Variants in MTAP observed in about 807,000 individuals in gnomAD.
MTAP encodes methylthioadenosine phosphorylase, also known as S-methyl-5'-thioadenosine phosphorylase.
MTAP carries 33 observed loss-of-function variants against 33.6 expected under a neutral mutation model. The ratio of observed to expected loss-of-function variants is 0.98; its 90% CI spans 0.74 to 1.31. The LOEUF is 1.31. Ranked by LOEUF, MTAP falls within the 40% of genes most tolerant of loss-of-function variation. The pLI, the probability that MTAP is intolerant of heterozygous loss-of-function variation, is 0.00. For synonymous variants in MTAP, 148 were observed against 125.7 expected, an observed-to-expected ratio of 1.18 and a Z score of -1.19; for missense variants, 367 against 360.0, an observed-to-expected ratio of 1.02 and a Z score of -0.16.
intron 1 of MTAP, among the ~76,000 whole-genome samples, chr9:21,815,223 G>A (rs907638803): frequency 3.3e-5 from 5 of 152,172 alleles, no homozygotes; most frequent in Non-Finnish European, 7.3e-5. Context: ...GTTACTTATA[G>A]AATATAGAAG....
chr9:21,831,856 C>T (rs920287104), intron 4 of MTAP, among the ~76,000 whole-genome samples: 1 of 151,864 alleles, frequency 6.6e-6, no homozygotes, highest in Non-Finnish European at 1.5e-5. Context: ...GTGTGATTCC[C>T]GGTGCTAAAC....
At chr9:21,860,095 G>C (rs1228376455) in intron 7 of MTAP, 1 of 152,078 alleles carries the variant, frequency 6.6e-6, no homozygotes, top group African/African-American at 2.4e-5. Context: ...TGTACTTTTG[G>C]GTCTTCTGGT....
downstream of MTAP, among the ~76,000 whole-genome samples, chr9:21,867,331 T>G (rs993350207): frequency 3.9e-5 from 6 of 152,188 alleles, no homozygotes; most frequent in African/African-American, 1.4e-4. Flanking sequence ...CGTTTCATGT[T>G]TTTATCAGAT....
chr9:21,935,660 C>T (rs1041830285), downstream of MTAP: 2 of 152,020 alleles, frequency 1.3e-5, no homozygotes, highest in African/African-American at 4.8e-5. Flanking sequence ...CTTTCTCTTC[C>T]TTTTGGTTGA....
chr9:21,836,892 C>T (rs935204186), intron 4 of MTAP, among the ~76,000 whole-genome samples: 7 of 152,122 alleles, frequency 4.6e-5, no homozygotes, highest in African/African-American at 9.7e-5. Context: ...GCTGTGTAAA[C>T]GGAACCAGTG....
At chr9:21,908,636 A>G (rs538567819) in intron 1 of MTAP, among the ~76,000 whole-genome samples, 2 of 152,170 alleles carry the variant, frequency 1.3e-5, no homozygotes, top group South Asian at 2.1e-4. Flanking sequence ...GAATAGTGTT[A>G]TGACTTAACA....
At chr9:21,855,518 G>C (rs1007791010) in intron 6 of MTAP, among the ~76,000 whole-genome samples, 2 of 152,148 alleles carry the variant, frequency 1.3e-5, no homozygotes, top group Non-Finnish European at 2.9e-5. Flanking sequence ...GGGCATGATT[G>C]AGTAGAGTGG....
intron 1 of MTAP, among the ~76,000 whole-genome samples, chr9:21,878,232 T>A (rs1826038693): frequency 6.6e-6 from 1 of 152,088 alleles, no homozygotes; most frequent in African/African-American, 2.4e-5. Flanking sequence ...TGTGTTTATT[T>A]GGATATTCTC....
intron 6 of MTAP, among the ~76,000 whole-genome samples, chr9:21,855,742 A>G (rs971372903): frequency 2.6e-5 from 4 of 152,216 alleles, no homozygotes; most frequent in African/African-American, 7.2e-5. Context: ...GTGTAAGTAC[A>G]GGGTGGAATA....
chr9:21,896,219 A>C (rs199540889), intron 1 of MTAP, among the ~76,000 whole-genome samples: 1 of 152,162 alleles, frequency 6.6e-6, no homozygotes, highest in Admixed American at 6.5e-5. Context: ...CCAATGAGAA[A>C]AAAGACACAA....
chr9:21,864,024 C>G lies in MTAP; in HGVS notation c.*2010C>G. On this transcript the variant is annotated 3_prime_UTR_variant, in exon 8 of 8. Transcript: ENST00000644715. Reference sequence around the variant, plus strand: ...AGCTCTGGTAACGTGTGATTGTTTTCACTACAATATGATACATAGATGGTA... The same window carrying G: ...AGCTCTGGTAACGTGTGATTGTTTTGACTACAATATGATACATAGATGGTA... 6 of 985,602 alleles carry G rather than the reference C, an allele frequency of 6.1e-6. No homozygotes were observed. Among genetic ancestry groups the G allele is most frequent in the Non-Finnish European group, 4.8e-6 (4 of 829,922 alleles). 61.1% of individuals were successfully genotyped at this position (985,602 alleles called of 1,614,324 possible).
At chr9:21,844,387 G>A (rs1459682073) in intron 5 of MTAP, among the ~76,000 whole-genome samples, 2 of 152,116 alleles carry the variant, frequency 1.3e-5, no homozygotes, top group African/African-American at 2.4e-5. Context: ...TGTGAAGCCA[G>A]TATCCCCCTA....
chr9:21,828,977 T>A (rs142438120), intron 4 of MTAP, among the ~76,000 whole-genome samples: 8 of 152,228 alleles, frequency 5.3e-5, no homozygotes, highest in Admixed American at 5.2e-4. Flanking sequence ...TTTGAACATC[T>A]CATAGCAGAA....
chr9:21,834,444 A>C (rs1424754968), intron 4 of MTAP, among the ~76,000 whole-genome samples: 2 of 152,234 alleles, frequency 1.3e-5, no homozygotes, highest in Non-Finnish European at 2.9e-5. Context: ...AGCAGACCTT[A>C]TCTTTTAGTT....
intron 1 of MTAP, among the ~76,000 whole-genome samples, chr9:21,806,725 C>T (rs1824218119): frequency 6.6e-6 from 1 of 152,094 alleles, no homozygotes; most frequent in African/African-American, 2.4e-5. Flanking sequence ...GAGACATTGT[C>T]CTCCAGCATC....
At chr9:21,931,160 C>T (rs1310328717) in exon 2 of MTAP, 1 of 751,478 alleles carries the variant, frequency 1.3e-6, no homozygotes, top group Non-Finnish European at 2.4e-6. Flanking sequence ...CTGGATACTG[C>T]TTCCAACAAC....
intron 1 of MTAP, chr9:21,930,393 G>C (rs943205579): frequency 4.9e-6 from 1 of 204,848 alleles, no homozygotes. Context: ...CTCATTAAAT[G>C]GACTGGAACT....
rs779053730 is a variant in MTAP, at chr9:21,837,894, G to C, written c.348-14G>C. The C allele has an allele frequency of 1.9e-6, 3 of 1,601,206 alleles. No homozygotes were observed. In the African/African-American group the frequency reaches 4.1e-5, roughly 22 times the overall value. ...AATAAAACAAACAAAAACCTTTTTT[G>C]CTTTATTTTGTAGGACCACTATGAG... is the stretch of plus-strand genomic sequence containing the variant. On this transcript the variant is annotated splice_polypyrimidine_tract_variant and intron_variant, in intron 4 of 7. Transcript: ENST00000644715.
intron 4 of MTAP, among the ~76,000 whole-genome samples, chr9:21,822,158 T>C (rs988868427): frequency 1.3e-5 from 2 of 152,176 alleles, no homozygotes; most frequent in African/African-American, 4.8e-5. Context: ...TAGTTATTTC[T>C]TGTCTTCTGC....
Sources: gnomAD v4.1 joint callset for allele counts (sites outside exome capture counted in the v4.1 genomes callset) on GRCh38, gnomAD v4.1.1 for gene constraint, MANE v1.5 for transcripts, NCBI Gene and HGNC (gene_info 2026-07-23, HGNC 2026-07-21) for gene names.